The following NCKAP5 variants were observed in gnomAD, a reference collection of about 807,000 sequenced individuals.
The protein encoded by NCKAP5 is NCK associated protein 5.
A neutral mutation model predicts 167.0 loss-of-function variants in NCKAP5; 92 were observed. That is an observed-to-expected ratio of 0.55 (90% CI 0.47 to 0.66). The LOEUF is 0.66. Ranked by LOEUF, NCKAP5 falls within the 30% of genes least tolerant of loss-of-function variation. The pLI, the probability that NCKAP5 is intolerant of heterozygous loss-of-function variation, is 0.00. For synonymous variants in NCKAP5, 891 were observed against 877.4 expected, an observed-to-expected ratio of 1.02 and a Z score of -0.27; for missense variants, 2,378 against 2,315.0, an observed-to-expected ratio of 1.03 and a Z score of -0.56.
At chr2:133,097,917 C>T (rs1487812858) in intron 6 of NCKAP5, among the ~76,000 whole-genome samples, 2 of 152,104 alleles carry the variant, frequency 1.3e-5, no homozygotes, top group Admixed American at 6.5e-5. Flanking sequence ...AGTCCTGTTA[C>T]CCAGGAAGGC....
At chr2:133,044,901 A>G (rs940025948) in intron 6 of NCKAP5, among the ~76,000 whole-genome samples, 2 of 152,008 alleles carry the variant, frequency 1.3e-5, no homozygotes, top group African/African-American at 4.8e-5. Context: ...CAAAAAATGG[A>G]AAAGTTAGCT....
chr2:133,031,179 T>C (rs2078867335), intron 6 of NCKAP5, among the ~76,000 whole-genome samples: 1 of 152,160 alleles, frequency 6.6e-6, no homozygotes, highest in Non-Finnish European at 1.5e-5. Flanking sequence ...TAACTTCATA[T>C]TGCTGAAAGA....
intron 4 of NCKAP5, among the ~76,000 whole-genome samples, chr2:133,244,342 T>C (rs2087870933): frequency 6.6e-6 from 1 of 152,236 alleles, no homozygotes; most frequent in African/African-American, 2.4e-5. Flanking sequence ...AACAAACTGT[T>C]ATGTTCCAAC....
chr2:132,928,965 A>G (rs951630875), intron 8 of NCKAP5, among the ~76,000 whole-genome samples: 6 of 135,776 alleles, frequency 4.4e-5, no homozygotes, highest in Non-Finnish European at 5.9e-5. Flanking sequence ...CTACCAAAAC[A>G]AAACAAAACA....
chr2:132,893,431 T>C (rs1157610620), intron 8 of NCKAP5, among the ~76,000 whole-genome samples: 3 of 152,164 alleles, frequency 2.0e-5, no homozygotes, highest in East Asian at 1.9e-4. Flanking sequence ...CAATGAATAA[T>C]TTTTATTAAT....
At chr2:133,305,010 A>C (rs1680678670) in intron 3 of NCKAP5, among the ~76,000 whole-genome samples, 1 of 152,204 alleles carries the variant, frequency 6.6e-6, no homozygotes, top group Non-Finnish European at 1.5e-5. Flanking sequence ...GAGAAAAGGG[A>C]GCCAGACATT....
At chr2:132,967,621 A>C (rs983991506) in intron 7 of NCKAP5, among the ~76,000 whole-genome samples, 4 of 152,200 alleles carry the variant, frequency 2.6e-5, no homozygotes. Flanking sequence ...GAAATGAGAC[A>C]AAAATTCAGA....
In NCKAP5 at chr2:132,896,399, G is replaced by T. The variant is rs554932949; in HGVS notation, c.580-17483C>A. ...ACTAACAGATTCATACACCACCCTT[G>T]TTCCTCTCCTTCTAGCTTTTAAAAT... On this transcript the variant is annotated intron_variant, in intron 8 of 19. Coordinates refer to ENST00000409261, the MANE Select transcript of NCKAP5 (RefSeq NM_207363.3). Among the ~76,000 whole-genome samples the T allele has an allele frequency of 3.9e-4, 59 of 152,286 alleles. No homozygotes were observed. In the East Asian group the frequency reaches 0.01, roughly 26 times the overall value.
chr2:132,995,867 C>T (rs1049402345), intron 6 of NCKAP5, among the ~76,000 whole-genome samples: 4 of 150,108 alleles, frequency 2.7e-5, no homozygotes, highest in South Asian at 2.1e-4. Flanking sequence ...CCAGCTACTC[C>T]GGAGGCTGAG....
chr2:133,663,027 G>A, the NCKAP5 span, among the ~76,000 whole-genome samples: 7 of 152,142 alleles, frequency 4.6e-5, no homozygotes, highest in African/African-American at 1.7e-4. Flanking sequence ...AGCACTTTGG[G>A]AGGCCGAGGC....
chr2:133,220,528 A>G (rs1200650528), intron 4 of NCKAP5, among the ~76,000 whole-genome samples: 4 of 152,196 alleles, frequency 2.6e-5, no homozygotes, highest in Admixed American at 6.5e-5. Flanking sequence ...TAAAGATCAT[A>G]AACAACATTT....
At position 132,920,679 on chromosome 2, in the gene NCKAP5, A is replaced by AT. The variant is rs1558942366; in HGVS notation, c.580-41764_580-41763insA. On this transcript the variant is annotated intron_variant, in intron 8 of 19. Transcript: ENST00000409261. ...AGAACTTATATATATATATATATAT[A>AT]AGTTAGTTTATATATATATATACGT... 1.4e-4 allele frequency among the ~76,000 whole-genome samples: 16 copies of AT among 111,170 alleles called. 2 individuals carry two copies. The highest frequency in any genetic ancestry group is 4.2e-4 in the African/African-American group (10 of 23,678). The allele number at this position is 111,170 out of a possible 152,430, so 72.9% of individuals were successfully genotyped here.
chr2:132,808,386 C>A (rs796132843), intron 11 of NCKAP5, among the ~76,000 whole-genome samples: 2 of 151,918 alleles, frequency 1.3e-5, no homozygotes, highest in African/African-American at 4.8e-5. Context: ...TCCATCTGGT[C>A]CTGAACTTTT....
chr2:133,529,132 T>C (rs1333549975), intron 2 of NCKAP5, among the ~76,000 whole-genome samples: 1 of 152,202 alleles, frequency 6.6e-6, no homozygotes, highest in Non-Finnish European at 1.5e-5. Flanking sequence ...ATCTATGAGA[T>C]AATTTTTTTT....
At chr2:133,364,072 A>T (rs1264289976) in intron 3 of NCKAP5, among the ~76,000 whole-genome samples, 1 of 152,168 alleles carries the variant, frequency 6.6e-6, no homozygotes, top group Admixed American at 6.5e-5. Flanking sequence ...CATCATCATC[A>T]TCATCATCAT....
At chr2:133,125,163 C>T (rs1436257819) in intron 6 of NCKAP5, among the ~76,000 whole-genome samples, 1 of 151,820 alleles carries the variant, frequency 6.6e-6, no homozygotes, top group African/African-American at 2.4e-5. Flanking sequence ...GAAATTGGTA[C>T]TCTGTAGAGT....
chr2:133,358,135 A>C (rs1684862600), intron 3 of NCKAP5, among the ~76,000 whole-genome samples: 1 of 152,186 alleles, frequency 6.6e-6, no homozygotes, highest in African/African-American at 2.4e-5. Flanking sequence ...CATACATTTT[A>C]TTATTTGCTG....
At chr2:133,441,817 C>T (rs1451127674) in intron 3 of NCKAP5, among the ~76,000 whole-genome samples, 1 of 152,098 alleles carries the variant, frequency 6.6e-6, no homozygotes, top group East Asian at 1.9e-4. Context: ...TAGGCATTTC[C>T]TAAGCGAACT....
rs533830470 is a variant in NCKAP5 at position 133,520,558 on chromosome 2, A to T, written c.-61-2971T>A. On this transcript the variant is annotated intron_variant, in intron 2 of 19. Coordinates refer to ENST00000409261, the MANE Select transcript of NCKAP5 (RefSeq NM_207363.3). Reference sequence around the variant, plus strand: ...GACAGATACAGGTAGGTAAGACTTAAATATTAGATATATTGATCATCCCTT... The same window carrying T: ...GACAGATACAGGTAGGTAAGACTTATATATTAGATATATTGATCATCCCTT... Among the ~76,000 whole-genome samples the T allele has an allele frequency of 8.5e-4, 129 of 152,324 alleles. 1 individual carries two copies. Among genetic ancestry groups the T allele is most frequent in the African/African-American group, 2.9e-3 (121 of 41,582 alleles).
Sources: gnomAD v4.1 joint callset for allele counts (sites outside exome capture counted in the v4.1 genomes callset) on GRCh38, gnomAD v4.1.1 for gene constraint, MANE v1.5 for transcripts, NCBI Gene and HGNC (gene_info 2026-07-23, HGNC 2026-07-21) for gene names.